The following GLIS3 variants were observed in gnomAD, a reference collection of about 807,000 sequenced individuals.
The protein encoded by GLIS3 is GLIS family zinc finger 3, also known as zinc finger protein GLIS3.
Under a neutral mutation model 78.6 loss-of-function variants are expected in GLIS3, and 53 were observed. That is an observed-to-expected ratio of 0.67 (90% CI 0.54 to 0.85). The LOEUF is 0.85. GLIS3 is among the 40% of genes least tolerant of loss of function. The pLI is 0.00. For missense variants in GLIS3, 1,703 were observed against 1,231.1 expected (o/e 1.38, Z -5.74); for synonymous variants, 684 against 509.9 (o/e 1.34, Z -4.60).
At chr9:4,219,528 T>G (rs1821135632) in intron 2 of GLIS3, among the ~76,000 whole-genome samples, 1 of 152,154 alleles carries the variant, frequency 6.6e-6, no homozygotes, top group Non-Finnish European at 1.5e-5. Context: ...CTACCCTCAA[T>G]AAATGTGACC....
At chr9:3,949,503 C>T (rs778520681) in intron 4 of GLIS3, among the ~76,000 whole-genome samples, 7 of 152,170 alleles carry the variant, frequency 4.6e-5, no homozygotes, top group Non-Finnish European at 1.0e-4. Flanking sequence ...AGCCAAACAA[C>T]GAAATATCTT....
intron 4 of GLIS3, among the ~76,000 whole-genome samples, chr9:3,987,517 C>T (rs1034983000): frequency 5.3e-5 from 8 of 151,614 alleles, no homozygotes; most frequent in Non-Finnish European, 1.2e-4. Flanking sequence ...GCCTGGCCAA[C>T]ATGGTGAAAC....
chr9:4,242,853 A>G (rs967330039), intron 2 of GLIS3, among the ~76,000 whole-genome samples: 1 of 151,114 alleles, frequency 6.6e-6, no homozygotes, highest in Non-Finnish European at 1.5e-5. Context: ...TATATTATTA[A>G]TATTAACTTG....
intron 2 of GLIS3, among the ~76,000 whole-genome samples, chr9:4,157,848 T>C (rs532756636): frequency 1.4e-4 from 21 of 152,326 alleles, no homozygotes; most frequent in African/African-American, 5.1e-4. Context: ...AGTTAATTAG[T>C]TTAGCTATTG....
At chr9:4,254,871 T>G (rs1173114510) in intron 2 of GLIS3, among the ~76,000 whole-genome samples, 1 of 150,098 alleles carries the variant, frequency 6.7e-6, no homozygotes, top group Non-Finnish European at 1.5e-5. Context: ...AAAGATAAAC[T>G]GCTTTGTGAC....
chr9:4,478,011 C>T, the GLIS3 span, among the ~76,000 whole-genome samples: 1 of 152,152 alleles, frequency 6.6e-6, no homozygotes, highest in Admixed American at 6.5e-5. Flanking sequence ...CCACGATTAC[C>T]AAGACTGTAG....
intron 2 of GLIS3, among the ~76,000 whole-genome samples, chr9:4,166,179 T>A (rs1001736755): frequency 6.6e-6 from 1 of 152,190 alleles, no homozygotes; most frequent in Non-Finnish European, 1.5e-5. Flanking sequence ...TGACACAGTG[T>A]CGGGCTCATA....
chr9:4,119,991 G>C (rs1196003899), intron 3 of GLIS3, among the ~76,000 whole-genome samples: 1 of 152,188 alleles, frequency 6.6e-6, no homozygotes, highest in Non-Finnish European at 1.5e-5. Context: ...ACTCAGACAT[G>C]GTGTGTATCA....
chr9:4,417,649 TG>T, the GLIS3 span, among the ~76,000 whole-genome samples: 5 of 152,152 alleles, frequency 3.3e-5, no homozygotes, highest in Non-Finnish European at 5.9e-5. Context: ...GTAGTGAAAT[TG>T]CTAGGTCAAA....
At chr9:4,140,802 C>CCCT (rs113682971) in intron 2 of GLIS3, among the ~76,000 whole-genome samples, 1 of 148,634 alleles carries the variant, frequency 6.7e-6, no homozygotes. Context: ...TTGAATTTAT[C>CCCT]TTTTTTTTTT....
chr9:4,239,749 G>T (rs1473767804), intron 2 of GLIS3, among the ~76,000 whole-genome samples: 1 of 152,156 alleles, frequency 6.6e-6, no homozygotes, highest in Non-Finnish European at 1.5e-5. Flanking sequence ...CATTTAAAAA[G>T]ACCAACAGCT....
At chr9:4,451,406 T>A in the GLIS3 span, among the ~76,000 whole-genome samples, 8 of 152,242 alleles carry the variant, frequency 5.3e-5, no homozygotes, top group East Asian at 1.3e-3. Flanking sequence ...AATGGGGGTA[T>A]TTAACACCCC....
At chr9:4,475,990 A>G in the GLIS3 span, among the ~76,000 whole-genome samples, 1 of 151,710 alleles carries the variant, frequency 6.6e-6, no homozygotes, top group African/African-American at 2.4e-5. Flanking sequence ...CTCAAGTGAT[A>G]CTCTCTCCTC....
chr9:4,177,915 A>AGCT (rs1192879495), intron 2 of GLIS3, among the ~76,000 whole-genome samples: 1 of 152,214 alleles, frequency 6.6e-6, no homozygotes, highest in African/African-American at 2.4e-5. Flanking sequence ...CTCCCATCAC[A>AGCT]GCTTGGTTCC....
intron 1 of GLIS3, among the ~76,000 whole-genome samples, chr9:4,290,091 G>A (rs1247312139): frequency 6.6e-6 from 1 of 152,048 alleles, no homozygotes; most frequent in African/African-American, 2.4e-5. Flanking sequence ...TCAAGAACAT[G>A]ACTTCCATAA....
chr9:3,836,663 C>T (rs1468871415), intron 9 of GLIS3, among the ~76,000 whole-genome samples: 1 of 152,148 alleles, frequency 6.6e-6, no homozygotes, highest in Non-Finnish European at 1.5e-5. Flanking sequence ...CCAGTGAAGC[C>T]CCTAGGGCAA....
At chr9:4,014,291 AT>A in intron 4 of GLIS3, among the ~76,000 whole-genome samples, 1 of 152,252 alleles carries the variant, frequency 6.6e-6, no homozygotes. Flanking sequence ...GGCCTTAGAA[AT>A]TGTACTGGGC....
At chr9:4,032,502 G>C (rs1588494922) in intron 4 of GLIS3, among the ~76,000 whole-genome samples, 1 of 151,982 alleles carries the variant, frequency 6.6e-6, no homozygotes, top group East Asian at 1.9e-4. Context: ...GAAGTTGTCA[G>C]CTGACAAATA....
chr9:3,855,586 G>T, intron 9 of GLIS3: 1 of 256,242 alleles, frequency 3.9e-6, no homozygotes, highest in Non-Finnish European at 7.6e-6. Context: ...CTTCAGAGAG[G>T]AGGTGTCATT....
Sources: allele counts gnomAD v4.1 joint callset (sites outside exome capture counted in the v4.1 genomes callset), GRCh38; gene constraint gnomAD v4.1.1; transcripts MANE v1.5; gene names NCBI Gene and HGNC (gene_info 2026-07-23, HGNC 2026-07-21).